ABCB4: variants seen among roughly 807,000 people sequenced by gnomAD.
ABCB4 encodes the protein ATP binding cassette subfamily B member 4, also known as phosphatidylcholine translocator ABCB4.
A neutral mutation model predicts 145.7 loss-of-function variants in ABCB4; 76 were observed. That is an observed-to-expected ratio of 0.52 (90% CI 0.43 to 0.63). ABCB4 has a LOEUF of 0.63. Among genes scored for constraint, ABCB4 ranks in the 30% least tolerant of loss-of-function variants. The probability of loss-of-function intolerance (pLI) is 0.00; values close to 1 mark genes in which losing one functional copy is unlikely to be tolerated. For missense variants in ABCB4, 1,234 were observed against 1,553.1 expected, an observed-to-expected ratio of 0.79 and a Z score of 3.45; for synonymous variants, 517 against 566.8, an observed-to-expected ratio of 0.91 and a Z score of 1.25.
At chr7:87,453,682 T>C (rs1811916053) in intron 5 of ABCB4, among the ~76,000 whole-genome samples, 1 of 152,200 alleles carries the variant, frequency 6.6e-6, no homozygotes, top group South Asian at 2.1e-4. Context: ...GGATAAATTT[T>C]TGTTGTTAAC....
At chr7:87,438,011 G>C (rs1156783202) in intron 14 of ABCB4, among the ~76,000 whole-genome samples, 2 of 152,088 alleles carry the variant, frequency 1.3e-5, no homozygotes, top group Non-Finnish European at 2.9e-5. Context: ...TCTGGCAGAG[G>C]TCATATTATG....
At chr7:87,445,881 G>T (rs1428907683) in intron 9 of ABCB4, among the ~76,000 whole-genome samples, 2 of 152,172 alleles carry the variant, frequency 1.3e-5, no homozygotes, top group Admixed American at 1.3e-4. Context: ...TCCCTCTGGG[G>T]ATAGCAATCT....
chr7:87,411,701 C>T (rs979114837), intron 23 of ABCB4, among the ~76,000 whole-genome samples, 192 bp downstream of exon 23: 1 of 152,036 alleles, frequency 6.6e-6, no homozygotes, highest in Non-Finnish European at 1.5e-5. Flanking sequence ...AATTGTAGCC[C>T]GCAAAATGAA....
At chr7:87,402,602 T>C (rs1010758962) in intron 27 of ABCB4, among the ~76,000 whole-genome samples, 1 of 152,254 alleles carries the variant, frequency 6.6e-6, no homozygotes, top group African/African-American at 2.4e-5. Flanking sequence ...TCATTCCTAA[T>C]GTGCTAAAAA....
intron 10 of ABCB4, 84 bp downstream of exon 10, chr7:87,444,778 G>T: frequency 1.0e-6 from 1 of 976,146 alleles, no homozygotes; most frequent in Non-Finnish European, 1.6e-6. Context: ...CAATGTAGTT[G>T]ATTCAAAAAT....
chr7:87,415,226 A>G (rs1445529731), intron 21 of ABCB4, among the ~76,000 whole-genome samples: 1 of 151,286 alleles, frequency 6.6e-6, no homozygotes, highest in African/African-American at 2.4e-5. Context: ...CTCCCTGCCC[A>G]GTAACCAACA....
chr7:87,450,595 C>A (rs745893777), intron 7 of ABCB4, among the ~76,000 whole-genome samples: 26 of 151,686 alleles, frequency 1.7e-4, no homozygotes, highest in Non-Finnish European at 3.1e-4. Flanking sequence ...CTCAGCCTCC[C>A]GAGTAGCTGG....
intron 26 of ABCB4, 52 bp downstream of exon 26, chr7:87,406,236 G>A: frequency 1.9e-6 from 3 of 1,569,144 alleles, no homozygotes; most frequent in South Asian, 2.2e-5. Context: ...TTTGGTAATT[G>A]TTTGGGGGAT....
In ABCB4 at chr7:87,409,317, A is replaced by G. The variant is rs1057495486; in HGVS notation, c.3000T>C (p.Ala1000=). The part of the protein sequence containing the change: ...ASSFAPDYAK[A]KLSAAHLFML... ...TGAATAAGTGGGCTGCAGACAGCTT[A>G]GCTTTAGCATAGTCTGGAGCAAATG... The change falls in exon 24 of 28, where the codon GCT becomes GCC. Residue 1000 remains alanine, a synonymous_variant. Coordinates refer to ENST00000649586, the MANE Select transcript of ABCB4 (RefSeq NM_000443.4). The G allele has an allele frequency of 5.3e-5, 86 of 1,613,998 alleles. No individual in the cohort carries two copies. The Admixed American group carries it at 6.2e-4, about 12-fold the overall frequency.
chr7:87,441,939 G>A (rs1584744801), intron 12 of ABCB4, among the ~76,000 whole-genome samples: 1 of 152,152 alleles, frequency 6.6e-6, no homozygotes, highest in South Asian at 2.1e-4. Context: ...GGTTTTTATT[G>A]GAAAGAGGCT....
chr7:87,419,974 G>A (rs773205338), intron 19 of ABCB4, 24 bp downstream of exon 19: 9 of 1,604,402 alleles, frequency 5.6e-6, no homozygotes, highest in Non-Finnish European at 7.7e-6. Context: ...AGATCAGAAG[G>A]CATTCTCCAG....
intron 3 of ABCB4, among the ~76,000 whole-genome samples, chr7:87,467,588 A>C (rs1261874230): frequency 6.6e-6 from 1 of 152,254 alleles, no homozygotes; most frequent in African/African-American, 2.4e-5. Context: ...TCAACAGAAT[A>C]TACATTCTTC....
Position 87,472,686 on chromosome 7 carries a change from T to C in ABCB4, c.81-11A>G, listed in dbSNP as rs752512358. 1.3e-6 allele frequency: 2 copies of C among 1,564,338 alleles called. No individual in the cohort carries two copies. Among genetic ancestry groups the C allele is most frequent in the Middle Eastern group, 1.7e-4 (1 of 5,944 alleles). On this transcript the variant is annotated splice_polypyrimidine_tract_variant and intron_variant, in intron 2 of 27. Coordinates refer to ENST00000649586, the MANE Select transcript of ABCB4 (RefSeq NM_000443.4). Reference sequence around the variant, plus strand: ...TTCCTTTTTTGTTTGCTGTAAAAAATAGAATTGCTTCAATTTAAAACTGTT... The same window carrying C: ...TTCCTTTTTTGTTTGCTGTAAAAAACAGAATTGCTTCAATTTAAAACTGTT...
In ABCB4 at chr7:87,447,138, T is replaced by C. The variant is rs553400352; in HGVS notation, c.901A>G (p.Met301Val). 2 of 1,614,044 alleles carry C rather than the reference T, an allele frequency of 1.2e-6. No homozygotes were observed. Among genetic ancestry groups the C allele is most frequent in the African/African-American group, 1.3e-5 (1 of 75,052 alleles). The change falls in exon 9 of 28, where the codon ATG (methionine) becomes GTG (valine). Residue 301 changes from methionine to valine, a missense_variant. Physicochemically the swap from Met to Val is conservative, Grantham distance 21. Transcript: ENST00000649586. The stretch of plus-strand genomic sequence containing the variant: ...TATATTAACAGGAAGGCAATACCCA[T>C]GGAAATGTTTGCTGAAATAGCTTTT... ...IKKAISANIS[M>V]GIAFLLIYAS...
Position 87,420,032 on chromosome 7 carries a change from A to T in ABCB4, c.2360T>A (p.Leu787Gln), listed in dbSNP as rs764555983. The T allele has an allele frequency of 1.2e-6, 2 of 1,614,134 alleles. No homozygotes were observed. The highest frequency in any genetic ancestry group is 2.2e-5 in the South Asian group (2 of 91,082). Residue 787 changes from leucine to glutamine, a missense_variant, in exon 19 of 28, where the codon CTG becomes CAG. By Grantham distance (113) the Leu-to-Gln change is moderately radical. This residue lies in a region of ABCB4 where 321 missense variants were observed against 332.6 expected (regional missense o/e 0.97). Coordinates refer to ENST00000649586, the MANE Select transcript of ABCB4 (RefSeq NM_000443.4). ...GKAGEILTRR[L>Q]RSMAFKAMLR... The stretch of plus-strand genomic sequence containing the variant: ...CATTGCTTTAAAAGCCATTGACCGC[A>T]GTCTTCTGGTGAGGATCTCGCCAGC...
chr7:87,428,427 C>T (rs553788726), intron 15 of ABCB4, among the ~76,000 whole-genome samples: 1 of 152,210 alleles, frequency 6.6e-6, no homozygotes, highest in South Asian at 2.1e-4. Flanking sequence ...AAAAGCAGAA[C>T]AAAAAATGCT....
At chr7:87,474,537 T>G (rs973774986) in intron 2 of ABCB4, among the ~76,000 whole-genome samples, 19 of 152,190 alleles carry the variant, frequency 1.2e-4, no homozygotes, top group African/African-American at 4.6e-4. Context: ...CTACAGAGAC[T>G]GATAAATTTG....
intron 26 of ABCB4, 56 bp from the exon 27 acceptor site, chr7:87,403,337 A>C (rs752038246): frequency 1.0e-5 from 15 of 1,492,326 alleles, no homozygotes; most frequent in Middle Eastern, 1.9e-4. Context: ...AACAGTTGAC[A>C]GTTCTATTTA....
chr7:87,382,238 G>A, the ABCB4 span: 2 of 1,482,500 alleles, frequency 1.3e-6, no homozygotes, highest in Non-Finnish European at 1.9e-6. Flanking sequence ...ACAACCATAT[G>A]TAAAAATTTG....
Sources: gnomAD v4.1 joint callset for allele counts (sites outside exome capture counted in the v4.1 genomes callset) on GRCh38, gnomAD v4.1.1 for gene constraint, gnomAD v4.1.1 regional missense constraint, MANE v1.5 for transcripts, NCBI Gene and HGNC (gene_info 2026-07-23, HGNC 2026-07-21) for gene names.